The following IMMP2L variants were observed in gnomAD, a reference collection of about 807,000 sequenced individuals.
IMMP2L encodes the protein mitochondrial inner membrane protease subunit 2.
A neutral mutation model predicts 19.3 loss-of-function variants in IMMP2L; 18 were observed. The ratio of observed to expected loss-of-function variants is 0.93; its 90% confidence interval spans 0.64 to 1.38. IMMP2L has a LOEUF of 1.38. Ranked by LOEUF, IMMP2L falls within the 40% of genes most tolerant of loss-of-function variation. The pLI, the probability that IMMP2L is intolerant of heterozygous loss-of-function variation, is 0.00. For missense variants in IMMP2L, 233 were observed against 218.2 expected (o/e 1.07, Z -0.43); for synonymous variants, 76 against 73.0 (o/e 1.04, Z -0.21).
At chr7:111,558,005 T>TA (rs969156880) in intron 1 of IMMP2L, among the ~76,000 whole-genome samples, 8 of 151,412 alleles carry the variant, frequency 5.3e-5, no homozygotes, top group Non-Finnish European at 7.4e-5. Flanking sequence ...TCCTAACCAT[T>TA]AAAAAAAATA....
At chr7:111,470,533 C>T (rs1841147884) in intron 3 of IMMP2L, among the ~76,000 whole-genome samples, 1 of 151,754 alleles carries the variant, frequency 6.6e-6, no homozygotes, top group African/African-American at 2.4e-5. Context: ...CCATGGAATA[C>T]TATGCAGCCA....
At position 111,405,342 on chromosome 7, in the gene IMMP2L, A is replaced by T. The variant is rs542140307; in HGVS notation, c.239+81896T>A. Among the ~76,000 whole-genome samples, 5 of 152,244 alleles carry T rather than the reference A, an allele frequency of 3.3e-5. No homozygotes were observed. The South Asian group carries it at 1.0e-3, about 32-fold the overall frequency. ...ACCAGCTAAAAGTTCAGGAACAGAA[A>T]ATTCCAACTACATCATCTTAACAAA... On this transcript the variant is annotated intron_variant, in intron 3 of 5. Coordinates refer to ENST00000405709, the MANE Select transcript of IMMP2L (RefSeq NM_032549.4).
At chr7:111,103,110 G>A (rs1425341356) in intron 3 of IMMP2L, among the ~76,000 whole-genome samples, 1 of 151,502 alleles carries the variant, frequency 6.6e-6, no homozygotes, top group Non-Finnish European at 1.5e-5. Context: ...GAGTACTAAT[G>A]AATGTTGTTA....
intron 3 of IMMP2L, among the ~76,000 whole-genome samples, chr7:111,300,868 G>T (rs955743296): frequency 6.6e-6 from 1 of 152,106 alleles, no homozygotes; most frequent in Non-Finnish European, 1.5e-5. Context: ...GATGTTGCCA[G>T]TTTGGGCCCA....
At chr7:110,898,807 GTT>G (rs1030654881) in intron 4 of IMMP2L, among the ~76,000 whole-genome samples, 4 of 127,590 alleles carry the variant, frequency 3.1e-5, no homozygotes, top group Non-Finnish European at 3.3e-5. Context: ...TCCTGAGTTT[GTT>G]TTTTTTTTTT....
Position 111,107,779 on chromosome 7 carries a change from A to G in IMMP2L, c.240-144214T>C, listed in dbSNP as rs547557025. Among the ~76,000 whole-genome samples, 3 of 152,262 alleles carry G rather than the reference A, an allele frequency of 2.0e-5. No individual in the cohort carries two copies. In the East Asian group the frequency reaches 5.8e-4, roughly 29 times the overall value. On this transcript the variant is annotated intron_variant, in intron 3 of 5. Coordinates refer to ENST00000405709, the MANE Select transcript of IMMP2L (RefSeq NM_032549.4). Reference sequence around the variant, plus strand: ...AATGAACTCCCAAAGATTTATTTGCAACATTTGGCTGTTGCAACATTTCAA... The same window carrying G: ...AATGAACTCCCAAAGATTTATTTGCGACATTTGGCTGTTGCAACATTTCAA...
chr7:110,772,854 C>CA (rs755281608), intron 5 of IMMP2L, among the ~76,000 whole-genome samples: 2 of 152,070 alleles, frequency 1.3e-5, no homozygotes, highest in Non-Finnish European at 2.9e-5. Flanking sequence ...CTTATGCCTG[C>CA]ATATTAAGGA....
intron 1 of IMMP2L, among the ~76,000 whole-genome samples, chr7:111,536,729 C>T (rs1005258632): frequency 2.0e-5 from 3 of 152,054 alleles, no homozygotes; most frequent in Non-Finnish European, 4.4e-5. Context: ...ACACTAATTT[C>T]CAAAGAATAA....
intron 3 of IMMP2L, among the ~76,000 whole-genome samples, chr7:111,444,161 T>C (rs1838046768): frequency 6.6e-6 from 1 of 152,164 alleles, no homozygotes; most frequent in Admixed American, 6.5e-5. Flanking sequence ...CCTTCATGTT[T>C]TTCTTCATTA....
At chr7:111,441,932 A>T (rs1417136475) in intron 3 of IMMP2L, among the ~76,000 whole-genome samples, 8 of 151,648 alleles carry the variant, frequency 5.3e-5, no homozygotes, top group Non-Finnish European at 7.4e-5. Flanking sequence ...AGGTCAGTAG[A>T]TCGAGACCAC....
intron 3 of IMMP2L, among the ~76,000 whole-genome samples, chr7:111,295,786 T>C (rs555655456): frequency 6.6e-6 from 1 of 151,828 alleles, no homozygotes; most frequent in Non-Finnish European, 1.5e-5. Context: ...TAATGAAATT[T>C]TGTCAGTGTT....
chr7:110,869,835 T>C (rs1467082362), intron 5 of IMMP2L, among the ~76,000 whole-genome samples: 3 of 152,166 alleles, frequency 2.0e-5, no homozygotes, highest in Non-Finnish European at 4.4e-5. Context: ...TCCTTCTTTC[T>C]ACTGTCCTAA....
At chr7:111,279,952 G>T (rs1247548550) in intron 3 of IMMP2L, among the ~76,000 whole-genome samples, 1 of 152,066 alleles carries the variant, frequency 6.6e-6, no homozygotes, top group Non-Finnish European at 1.5e-5. Context: ...TAACCCACTA[G>T]TGTCAACCTT....
chr7:111,183,000 T>C (rs894879524), intron 3 of IMMP2L, among the ~76,000 whole-genome samples: 2 of 152,094 alleles, frequency 1.3e-5, no homozygotes, highest in African/African-American at 4.8e-5. Context: ...AGCTTTTATA[T>C]TCATGATCAT....
intron 3 of IMMP2L, among the ~76,000 whole-genome samples, chr7:111,030,699 G>T (rs1790665683): frequency 6.6e-6 from 1 of 151,742 alleles, no homozygotes; most frequent in Admixed American, 6.6e-5. Flanking sequence ...TAGTAAAACA[G>T]GATTAACTAC....
At chr7:111,418,914 A>T (rs1835205506) in intron 3 of IMMP2L, among the ~76,000 whole-genome samples, 1 of 151,846 alleles carries the variant, frequency 6.6e-6, no homozygotes, top group Non-Finnish European at 1.5e-5. Context: ...TTTGATTTAC[A>T]GTTTATTTCA....
chr7:111,475,764 CCTT>C (rs1246053006), intron 3 of IMMP2L, among the ~76,000 whole-genome samples: 1 of 152,060 alleles, frequency 6.6e-6, no homozygotes, highest in African/African-American at 2.4e-5. Flanking sequence ...TTGATCTCAT[CCTT>C]CTGTAAAACG....
intron 3 of IMMP2L, among the ~76,000 whole-genome samples, chr7:111,243,526 T>TC (rs1462986638): frequency 6.6e-6 from 1 of 150,428 alleles, no homozygotes; most frequent in African/African-American, 2.4e-5. Flanking sequence ...TTTTTTTTTT[T>TC]TTATTATACT....
chr7:111,288,842 T>A (rs1221778843), intron 3 of IMMP2L, among the ~76,000 whole-genome samples: 1 of 152,160 alleles, frequency 6.6e-6, no homozygotes, highest in Non-Finnish European at 1.5e-5. Context: ...AGTTCAACTA[T>A]TGTGGAACAC....
Sources: gnomAD v4.1 joint callset for allele counts (sites outside exome capture counted in the v4.1 genomes callset) on GRCh38, gnomAD v4.1.1 for gene constraint, MANE v1.5 for transcripts, NCBI Gene and HGNC (gene_info 2026-07-23, HGNC 2026-07-21) for gene names.